The following TG variants were observed in gnomAD, a reference collection of about 807,000 sequenced individuals.
TG encodes the protein thyroglobulin, also known as thyroid hormones.
A neutral mutation model predicts 324.7 loss-of-function variants in TG; 270 were observed. That is an observed-to-expected ratio of 0.83 (90% CI 0.75 to 0.92). TG has a LOEUF of 0.92. Ranked by LOEUF, TG falls within the 40% of genes least tolerant of loss-of-function variation. The pLI is 0.00. For missense variants in TG, 3,591 were observed against 3,456.4 expected, an observed-to-expected ratio of 1.04 and a Z score of -0.98; for synonymous variants, 1,401 against 1,327.0, an observed-to-expected ratio of 1.06 and a Z score of -1.21.
intron 43 of TG, among the ~76,000 whole-genome samples, chr8:133,101,496 C>T (rs1849244893): frequency 6.6e-6 from 1 of 152,184 alleles, no homozygotes; most frequent in Admixed American, 6.5e-5. Context: ...TCAGCCATGC[C>T]TTTTACTCCA....
chr8:133,103,290 C>T (rs987030608), intron 43 of TG, among the ~76,000 whole-genome samples: 2 of 152,130 alleles, frequency 1.3e-5, no homozygotes, highest in Admixed American at 6.5e-5. Context: ...TTATAAGAAG[C>T]GAAAGAGGTA....
intron 27 of TG, among the ~76,000 whole-genome samples, chr8:132,952,018 A>G (rs1826177297): frequency 6.6e-6 from 1 of 152,170 alleles, no homozygotes; most frequent in Non-Finnish European, 1.5e-5. Context: ...CATCTCCACT[A>G]AACTTGACTG....
In TG at chr8:132,871,943, A is replaced by G. The variant is rs76589648; in HGVS notation, c.478+392A>G. ...ATTATAATAAAGCTGAAAAATTCCT[A>G]TTTCCTAGTGATGTAATGATGATCT... On this transcript the variant is annotated intron_variant, in intron 4 of 47. Coordinates refer to ENST00000220616, the MANE Select transcript of TG (RefSeq NM_003235.5). Among the ~76,000 whole-genome samples, 5 of 152,198 alleles carry G rather than the reference A, an allele frequency of 3.3e-5. No individual in the cohort carries two copies. The East Asian group carries it at 9.7e-4, about 29-fold the overall frequency.
chr8:132,979,169 G>A (rs566052702), intron 34 of TG, among the ~76,000 whole-genome samples: 2 of 152,294 alleles, frequency 1.3e-5, no homozygotes, highest in African/African-American at 4.8e-5. Flanking sequence ...ATAAGGGGCT[G>A]CTCTGTGGTT....
intron 44 of TG, 44 bp from the exon 45 acceptor site, chr8:133,116,565 G>T: frequency 1.3e-6 from 2 of 1,571,908 alleles, no homozygotes; most frequent in Non-Finnish European, 1.8e-6. Context: ...ATGGCCCATA[G>T]AGCCATGTTT....
chr8:132,947,791 A>C (rs1487030479), intron 26 of TG, among the ~76,000 whole-genome samples: 4 of 152,238 alleles, frequency 2.6e-5, no homozygotes, highest in Non-Finnish European at 5.9e-5. Context: ...AATGGAGATA[A>C]TAATGTCTAT....
At position 132,900,258 on chromosome 8, in the gene TG, C is replaced by T; in HGVS notation, c.3352C>T (p.Gln1118Ter). The T allele has an allele frequency of 6.2e-7, 1 of 1,614,002 alleles. No individual in the cohort carries two copies. Among genetic ancestry groups the T allele is most frequent in the Non-Finnish European group, 8.5e-7 (1 of 1,179,978 alleles). Reference protein sequence around the residue: ...CLETGEYARLQASGAGTWCVD... With the variant: ...CLETGEYARL ...TCAGACAGGAGAGTATGCCAGGCTG[C>T]AGGCATCGGGGGCTGGCACCTGGTG... Residue 1118 changes from glutamine (Q) to a stop codon, truncating the protein, a stop_gained, in exon 15 of 48, where the codon CAG (glutamine) becomes TAG (stop). Transcript: ENST00000220616. LOFTEE classifies it high-confidence loss of function.
At chr8:133,100,333 C>T (rs1490619459) in intron 43 of TG, among the ~76,000 whole-genome samples, 2 of 152,208 alleles carry the variant, frequency 1.3e-5, no homozygotes, top group Non-Finnish European at 2.9e-5. Flanking sequence ...CACCCTACCC[C>T]AGCACTCAAA....
Position 132,898,880 on chromosome 8 carries a change from A to C in TG, c.3300A>C (p.Pro1100=), listed in dbSNP as rs1429087729. ...CTAGATCCCAAGAAAACCCATCTCC[A>C]AAAGACCTGTTCGTCCCAGCCTGCC... ...KQARSQENPS[P]KDLFVPACLE... Residue 1100 remains proline, a synonymous_variant, in exon 14 of 48, where the codon CCA becomes CCC. Coordinates refer to ENST00000220616, the MANE Select transcript of TG (RefSeq NM_003235.5). 1 of 1,614,166 alleles carries C rather than the reference A, an allele frequency of 6.2e-7. No homozygotes were observed. Among genetic ancestry groups the C allele is most frequent in the Non-Finnish European group, 8.5e-7 (1 of 1,180,024 alleles).
chr8:133,038,971 A>G (rs935367690), intron 41 of TG, among the ~76,000 whole-genome samples: 4 of 152,160 alleles, frequency 2.6e-5, no homozygotes, highest in African/African-American at 9.7e-5. Context: ...TCTGCCTCCC[A>G]GGCTCAAGCG....
chr8:132,867,073 T>C lies in TG; in HGVS notation c.67+6T>C, dbSNP rs896855608. On this transcript the variant is annotated splice_donor_region_variant and intron_variant, in intron 1 of 47. Coordinates refer to ENST00000220616, the MANE Select transcript of TG (RefSeq NM_003235.5). ...GGTGTCGGCCAATATCTTCGGTAAGTTCTGAGGCCATGGAGCCAGGCGGTG... is the reference window on the plus strand; with the variant it reads ...GGTGTCGGCCAATATCTTCGGTAAGCTCTGAGGCCATGGAGCCAGGCGGTG... The C allele has an allele frequency of 1.3e-6, 2 of 1,595,566 alleles. No individual in the cohort carries two copies. Among genetic ancestry groups the C allele is most frequent in the African/African-American group, 2.7e-5 (2 of 74,558 alleles).
rs1824446097 is a variant in TG, at chr8:132,941,555, G to A, written c.5233+13G>A. On this transcript the variant is annotated intron_variant, in intron 26 of 47. Coordinates refer to ENST00000220616, the MANE Select transcript of TG (RefSeq NM_003235.5). ...CAGGTTCAAGGAGGTAATGTTGGCA[G>A]TGAGGGCCAGGGCCTAACAAGGGAT... 6.2e-7 allele frequency: 1 copy of A among 1,614,144 alleles called. No individual in the cohort carries two copies.
chr8:133,103,553 T>C (rs1849524734), intron 43 of TG, among the ~76,000 whole-genome samples: 1 of 152,252 alleles, frequency 6.6e-6, no homozygotes, highest in East Asian at 1.9e-4. Flanking sequence ...GTTATAAGGA[T>C]GAATGTAAAC....
At chr8:133,106,504 G>A (rs1459007242) in intron 43 of TG, 1 of 979,434 alleles carries the variant, frequency 1.0e-6, no homozygotes, top group African/African-American at 1.7e-5. Flanking sequence ...CAGCCACCCA[G>A]CCCTCTGTTC....
At chr8:133,111,935 A>C (rs910452958) in intron 43 of TG, among the ~76,000 whole-genome samples, 2 of 152,268 alleles carry the variant, frequency 1.3e-5, no homozygotes, top group African/African-American at 2.4e-5. Context: ...AGGGTGGTTC[A>C]GCCTTGCTTC....
intron 2 of TG, among the ~76,000 whole-genome samples, chr8:132,868,524 G>A (rs977191247): frequency 6.6e-6 from 1 of 152,088 alleles, no homozygotes; most frequent in African/African-American, 2.4e-5. Flanking sequence ...TTGAATAAAC[G>A]GCACGTGTGG....
chr8:133,118,070 A>G (rs1021242513), intron 45 of TG, among the ~76,000 whole-genome samples: 2 of 152,176 alleles, frequency 1.3e-5, no homozygotes, highest in South Asian at 2.1e-4. Flanking sequence ...ATTTATCTTT[A>G]CAATTAGCAA....
chr8:133,035,593 C>T (rs1837030274), intron 41 of TG, among the ~76,000 whole-genome samples: 1 of 152,174 alleles, frequency 6.6e-6, no homozygotes, highest in African/African-American at 2.4e-5. Flanking sequence ...TGTTCAGTTG[C>T]TTAATATATT....
chr8:133,073,906 A>C (rs1844463381), intron 41 of TG, among the ~76,000 whole-genome samples: 1 of 152,082 alleles, frequency 6.6e-6, no homozygotes, highest in African/African-American at 2.4e-5. Context: ...ACAATCCTAT[A>C]GGATTGTTCT....
Sources: gnomAD v4.1 joint callset for allele counts (sites outside exome capture counted in the v4.1 genomes callset) on GRCh38, gnomAD v4.1.1 for gene constraint, MANE v1.5 for transcripts, NCBI Gene and HGNC (gene_info 2026-07-23, HGNC 2026-07-21) for gene names.